Variants in GEN1 observed in about 807,000 individuals in gnomAD.
GEN1 encodes flap endonuclease GEN homolog 1.
Under a neutral mutation model 67.6 loss-of-function variants are expected in GEN1, and 64 were observed. The ratio of observed to expected loss-of-function variants is 0.95; its 90% CI spans 0.77 to 1.17. The LOEUF is 1.17. Ranked by LOEUF, GEN1 falls within the 50% of genes most tolerant of loss-of-function variation. The pLI, the probability that GEN1 is intolerant of heterozygous loss-of-function variation, is 0.00. For synonymous variants in GEN1, 371 were observed against 359.4 expected, an observed-to-expected ratio of 1.03 and a Z score of -0.37; for missense variants, 1,058 against 1,048.3, an observed-to-expected ratio of 1.01 and a Z score of -0.13.
intron 11 of GEN1, among the ~76,000 whole-genome samples, chr2:17,776,338 T>G (rs1672432226): frequency 1.3e-5 from 2 of 152,156 alleles, no homozygotes; most frequent in South Asian, 4.1e-4. Context: ...AAGGACCTTT[T>G]TTTTAGGACA....
At position 17,761,414 on chromosome 2, in the gene GEN1, CT is replaced by C; in HGVS notation, c.181del (p.Ser61HisfsTer3). On this transcript the variant is annotated frameshift_variant, in exon 3 of 14. Transcript: ENST00000381254. LOFTEE classifies it high-confidence loss of function. ...ATTTCAGGAACTTATTTTTTCGTAT[CT>C]CATATTTAACACAAATGGATGTAAA... ...PHLRNLFFRI[S>X]YLTQMDVKLV... 6.3e-7 allele frequency: 1 copy of C among 1,587,488 alleles called. No homozygotes were observed. The highest frequency in any genetic ancestry group is 8.6e-7 in the Non-Finnish European group (1 of 1,162,148).
intron 1 of GEN1, among the ~76,000 whole-genome samples, chr2:17,758,090 A>G (rs532814036): frequency 6.6e-6 from 1 of 152,308 alleles, no homozygotes; most frequent in Non-Finnish European, 1.5e-5. Flanking sequence ...TGAATATTCC[A>G]TAATTTACTT....
In GEN1 at chr2:17,781,863, A is replaced by G. The variant is rs1672858182; in HGVS notation, c.2651A>G (p.Glu884Gly). ...SLSSLQCHKK[E>G]NNSGTCLDSP... ...AGTTCTCTACAATGTCATAAGAAAG[A>G]AAACAACTCTGGTACTTGTTTGGAT... Residue 884 changes from glutamate to glycine, a missense_variant, in exon 14 of 14, where the codon GAA becomes GGA. By Grantham distance (98) the Glu-to-Gly change is moderately conservative (BLOSUM62 -2). Coordinates refer to ENST00000381254, the MANE Select transcript of GEN1 (RefSeq NM_001130009.3). 2.5e-6 allele frequency: 4 copies of G among 1,602,780 alleles called. No homozygotes were observed. The highest frequency in any genetic ancestry group is 3.4e-6 in the Non-Finnish European group (4 of 1,177,058).
intron 12 of GEN1, among the ~76,000 whole-genome samples, chr2:17,778,956 C>G (rs1672687855): frequency 6.6e-6 from 1 of 152,104 alleles, no homozygotes; most frequent in Non-Finnish European, 1.5e-5. Context: ...GAGTCTTGCT[C>G]TGTTGCCCAG....
At position 17,774,261 on chromosome 2, in the gene GEN1, A is replaced by G; in HGVS notation, c.1072-10A>G. 6.9e-7 allele frequency: 1 copy of G among 1,450,822 alleles called. No homozygotes were observed. The highest frequency in any genetic ancestry group is 1.4e-5 in the South Asian group (1 of 72,788). 89.9% of individuals were successfully genotyped at this position (1,450,822 alleles called of 1,614,324 possible). A position where few individuals can be genotyped will look rare whatever the true frequency, so the allele number is the denominator to read the frequency against. On this transcript the variant is annotated splice_polypyrimidine_tract_variant and intron_variant, in intron 10 of 13. Transcript: ENST00000381254. ...AACAAAATCTTGTTTTATTTTTATTATATTTATAGAGATTTACTCTTGAAA... is the reference window on the plus strand; with the variant it reads ...AACAAAATCTTGTTTTATTTTTATTGTATTTATAGAGATTTACTCTTGAAA...
chr2:17,784,673 T>G lies in GEN1; in HGVS notation c.*2734T>G, dbSNP rs184105541. 68 of 152,026 alleles carry G rather than the reference T, an allele frequency of 4.5e-4. No individual in the cohort carries two copies. The highest frequency in any genetic ancestry group is 2.5e-3 in the Admixed American group (39 of 15,302). The allele number at this position is 152,026 out of a possible 1,614,324, so 9.4% of individuals were successfully genotyped here. On this transcript the variant is annotated 3_prime_UTR_variant, in exon 14 of 14. Transcript: ENST00000381254. ...CATCTCAACTCTTTAAGGACTGTAT[T>G]GCAATGTTTTGAATATTCAGAGAGA...
Position 17,782,023 on chromosome 2 carries a change from T to C in GEN1, c.*84T>C, listed in dbSNP as rs545424267. On this transcript the variant is annotated 3_prime_UTR_variant, in exon 14 of 14. Transcript: ENST00000381254. Reference sequence around the variant, plus strand: ...AGAGGGAAGGTATCTAGTTCATGTGTGGTAAAAATTTTAATGTTCTCTGTG... The same window carrying C: ...AGAGGGAAGGTATCTAGTTCATGTGCGGTAAAAATTTTAATGTTCTCTGTG... 9.9e-4 allele frequency: 743 copies of C among 748,300 alleles called. 2 individuals carry two copies. In the African/African-American group the frequency reaches 0.012, roughly 13 times the overall value. The allele number at this position is 748,300 out of a possible 1,614,324, so 46.4% of individuals were successfully genotyped here. A position where few individuals can be genotyped will look rare whatever the true frequency, so the allele number is the denominator to read the frequency against.
rs756002336 is a variant in GEN1 at position 17,768,774 on chromosome 2, CTT to C, written c.674_675del (p.Leu225HisfsTer14). ...AGTTGGAAAAGAGCAAGCATTAAAACTTATACAGATTTTGAAAGGGCAAAGTT... is the reference window on the plus strand; with the variant it reads ...AGTTGGAAAAGAGCAAGCATTAAAACATACAGATTTTGAAAGGGCAAAGTT... The part of the protein sequence containing the change: ...PGVGKEQALK[L>X]IQILKGQSLL... On this transcript the variant is annotated frameshift_variant, in exon 6 of 14. Coordinates refer to ENST00000381254, the MANE Select transcript of GEN1 (RefSeq NM_001130009.3). LOFTEE classifies it high-confidence loss of function. The C allele has an allele frequency of 6.2e-7, 1 of 1,611,252 alleles. No individual in the cohort carries two copies. The highest frequency in any genetic ancestry group is 1.3e-5 in the African/African-American group (1 of 74,780).
chr2:17,765,944 C>T (rs1671908784), intron 4 of GEN1, among the ~76,000 whole-genome samples: 1 of 97,842 alleles, frequency 1.0e-5, no homozygotes, highest in Non-Finnish European at 2.1e-5. Context: ...TGTTTACTTT[C>T]TATAATATAT....
At chr2:17,777,146 T>G (rs1426625772) in intron 11 of GEN1, among the ~76,000 whole-genome samples, 23 of 152,066 alleles carry the variant, frequency 1.5e-4, no homozygotes, top group Admixed American at 1.5e-3. Context: ...ATTTATTTTT[T>G]AAAGTGTTGT....
chr2:17,757,783 T>C (rs1667481349), intron 1 of GEN1, among the ~76,000 whole-genome samples: 1 of 152,240 alleles, frequency 6.6e-6, no homozygotes, highest in Admixed American at 6.5e-5. Context: ...TCACTTAATA[T>C]TTAGCCAAGA....
rs546131542 is a variant in GEN1 at position 17,764,958 on chromosome 2, C to T, written c.410C>T (p.Ala137Val). Residue 137 changes from alanine (A) to valine (V), a missense_variant, in exon 4 of 14, where the codon GCC (alanine) becomes GTC (valine). Coordinates refer to ENST00000381254, the MANE Select transcript of GEN1 (RefSeq NM_001130009.3). ...PWVQAAGEAE[A>V]MCAYLNAGGH... ...GTTCAGGCTGCTGGGGAAGCTGAAG[C>T]CATGTGTGCTTATCTCAATGCTGGT... The T allele has an allele frequency of 2.5e-6, 4 of 1,614,106 alleles. No individual in the cohort carries two copies. In the African/African-American group the frequency reaches 4.0e-5, roughly 16 times the overall value.
At position 17,780,093 on chromosome 2, in the gene GEN1, G is replaced by A; in HGVS notation, c.1380G>A (p.Lys460=). The change falls in exon 13 of 14, where the codon AAG becomes AAA. Residue 460 remains lysine, a synonymous_variant. Transcript: ENST00000381254. ...PEIVAVYQKQ[K]LEIKGKKQKR... is the part of the protein sequence containing the mutation. ...TCGTTGCTGTTTACCAAAAACAAAA[G>A]TTAGAAATTAAAGGGAAGAAACAAA... 6.2e-7 allele frequency: 1 copy of A among 1,612,554 alleles called. No individual in the cohort carries two copies. Among genetic ancestry groups the A allele is most frequent in the Non-Finnish European group, 8.5e-7 (1 of 1,179,482 alleles).
intron 7 of GEN1, 139 bp from the exon 8 acceptor site, chr2:17,772,495 T>C: frequency 1.7e-6 from 1 of 578,200 alleles, no homozygotes; most frequent in Non-Finnish European, 3.0e-6. Context: ...ATCCTAAATG[T>C]ATTGAAACCT....
At position 17,781,913 on chromosome 2, in the gene GEN1, TTAAAAC is replaced by T. The variant is rs781690253; in HGVS notation, c.2705_2710del (p.Lys902_Leu903del). On this transcript the variant is annotated inframe_deletion, in exon 14 of 14. Transcript: ENST00000381254. Reference sequence around the variant, plus strand: ...TAGCCCTCTTCCTTTACGCCAGAGATTAAAACTAAGATTCCAAAGCACTTGAAATTT... The same window carrying T: ...TAGCCCTCTTCCTTTACGCCAGAGATTAAGATTCCAAAGCACTTGAAATTT... The T allele has an allele frequency of 3.2e-5, 50 of 1,560,706 alleles. No homozygotes were observed. In the African/African-American group the frequency reaches 5.1e-4, roughly 16 times the overall value.
intron 11 of GEN1, 137 bp downstream of exon 11, chr2:17,774,538 C>T (rs778115169): frequency 3.7e-6 from 2 of 536,516 alleles, no homozygotes; most frequent in African/African-American, 3.9e-5. Context: ...TTATTCAGGG[C>T]TTATAATCAG....
chr2:17,780,197 C>A, intron 13 of GEN1, 76 bp downstream of exon 13: 1 of 1,156,328 alleles, frequency 8.6e-7, no homozygotes, highest in Non-Finnish European at 1.2e-6. Flanking sequence ...TTTGAATCTG[C>A]TGTGTCTAAA....
chr2:17,781,332 G>C lies in GEN1; in HGVS notation c.2120G>C (p.Cys707Ser), dbSNP rs780918028. 12 of 1,613,614 alleles carry C rather than the reference G, an allele frequency of 7.4e-6. No individual in the cohort carries two copies. ...TLSILSVKES[C>S]IANSGSDCTS... ...TCCATACTTAGTGTAAAAGAATCTT[G>C]TATTGCTAACAGTGGTTCTGATTGT... The change falls in exon 14 of 14, where the codon TGT becomes TCT. Residue 707 changes from cysteine to serine, a missense_variant. Transcript: ENST00000381254.
At chr2:17,770,753 T>A (rs1672143848) in intron 6 of GEN1, among the ~76,000 whole-genome samples, 1 of 152,052 alleles carries the variant, frequency 6.6e-6, no homozygotes, top group Non-Finnish European at 1.5e-5. Flanking sequence ...ATTAATGTTT[T>A]ATTTAATTTT....
Sources: gnomAD v4.1 joint callset for allele counts (sites outside exome capture counted in the v4.1 genomes callset) on GRCh38, gnomAD v4.1.1 for gene constraint, MANE v1.5 for transcripts, NCBI Gene and HGNC (gene_info 2026-07-23, HGNC 2026-07-21) for gene names.